The following STK32B variants were observed in gnomAD, a reference collection of about 807,000 sequenced individuals.
The protein encoded by STK32B is serine/threonine kinase 32B.
A neutral mutation model predicts 52.6 loss-of-function variants in STK32B; 43 were observed. The observed-to-expected ratio is 0.82, with a 90% CI of 0.64 to 1.05. The LOEUF (loss-of-function observed/expected upper bound fraction) is 1.05. Among genes scored for constraint, STK32B ranks in the 50% least tolerant of loss-of-function variants. The probability of loss-of-function intolerance (pLI) is 0.00; values close to 1 mark genes in which losing one functional copy is unlikely to be tolerated. For synonymous variants in STK32B, 238 were observed against 204.3 expected (o/e 1.17, Z -1.41); for missense variants, 621 against 534.6 (o/e 1.16, Z -1.59).
chr4:5,172,048 G>C (rs1719420622), intron 3 of STK32B, among the ~76,000 whole-genome samples: 1 of 151,952 alleles, frequency 6.6e-6, no homozygotes, highest in Non-Finnish European at 1.5e-5. Context: ...GGATTCCTAG[G>C]TATTTTATTC....
chr4:5,312,579 T>A (rs188711610), intron 3 of STK32B, among the ~76,000 whole-genome samples: 68 of 152,190 alleles, frequency 4.5e-4, no homozygotes, highest in African/African-American at 1.5e-3. Context: ...GAGTGATGAT[T>A]TCCAATTTCA....
At chr4:5,108,517 T>C (rs898945222) in intron 1 of STK32B, among the ~76,000 whole-genome samples, 1 of 152,242 alleles carries the variant, frequency 6.6e-6, no homozygotes, top group African/African-American at 2.4e-5. Context: ...TTTTCTGTTT[T>C]CTGGAAGAGT....
At chr4:5,234,601 T>A (rs1190769823) in intron 3 of STK32B, among the ~76,000 whole-genome samples, 2 of 152,264 alleles carry the variant, frequency 1.3e-5, no homozygotes, top group African/African-American at 4.8e-5. Context: ...TTCTGTATTA[T>A]AAGTGGAAAG....
In STK32B at chr4:5,228,871, A is replaced by G. The variant is rs1724051992; in HGVS notation, c.260+60421A>G. On this transcript the variant is annotated intron_variant, in intron 3 of 11. Transcript: ENST00000282908. Reference sequence around the variant, plus strand: ...AATCCCAGCTACTCGGAAGCCTGAGACAGGAGAATTGCTTGAACCCAGGAG... The same window carrying G: ...AATCCCAGCTACTCGGAAGCCTGAGGCAGGAGAATTGCTTGAACCCAGGAG... Among the ~76,000 whole-genome samples, 4 of 152,156 alleles carry G rather than the reference A, an allele frequency of 2.6e-5. No homozygotes were observed. In the South Asian group the frequency reaches 8.3e-4, roughly 32 times the overall value.
At chr4:5,138,060 C>G (rs1208862622) in intron 1 of STK32B, among the ~76,000 whole-genome samples, 1 of 152,134 alleles carries the variant, frequency 6.6e-6, no homozygotes, top group Admixed American at 6.5e-5. Context: ...GCAGTCCAAG[C>G]TCATTGCTTT....
intron 4 of STK32B, among the ~76,000 whole-genome samples, chr4:5,351,478 G>A (rs1351186547): frequency 6.6e-6 from 1 of 151,814 alleles, no homozygotes; most frequent in Non-Finnish European, 1.5e-5. Context: ...TAAGAGGGAA[G>A]TTTATAACAA....
At chr4:5,356,635 C>T (rs76562647) in intron 4 of STK32B, among the ~76,000 whole-genome samples, 12 of 152,236 alleles carry the variant, frequency 7.9e-5, no homozygotes, top group East Asian at 3.9e-4. Context: ...TGCAACCAGG[C>T]GGTCCTTCTG....
chr4:5,383,057 C>G (rs1370938486), intron 4 of STK32B, among the ~76,000 whole-genome samples: 2 of 152,206 alleles, frequency 1.3e-5, no homozygotes, highest in Admixed American at 6.5e-5. Flanking sequence ...CACGTCGACT[C>G]TGCTTTCAAA....
intron 11 of STK32B, among the ~76,000 whole-genome samples, chr4:5,473,800 C>T (rs62299783): frequency 5.3e-5 from 8 of 152,088 alleles, no homozygotes; most frequent in East Asian, 3.9e-4. Flanking sequence ...TGACTAAGTC[C>T]GCAGCAGGGT....
chr4:5,023,011 GTGTGTGTGTA>G, the STK32B span, among the ~76,000 whole-genome samples: 7 of 152,026 alleles, frequency 4.6e-5, no homozygotes, highest in Non-Finnish European at 8.8e-5. Context: ...ATGTGTGTGT[GTGTGTGTGTA>G]TATGTGTGTG....
chr4:5,081,746 CT>C (rs1227582460), intron 1 of STK32B, among the ~76,000 whole-genome samples: 4 of 152,132 alleles, frequency 2.6e-5, no homozygotes, highest in African/African-American at 9.7e-5. Flanking sequence ...CTTTCCATCT[CT>C]TTGTTAAACT....
intron 1 of STK32B, among the ~76,000 whole-genome samples, chr4:5,119,169 G>A (rs1475291913): frequency 6.6e-6 from 1 of 152,226 alleles, no homozygotes; most frequent in East Asian, 1.9e-4. Flanking sequence ...TCTCCTGATG[G>A]CTAGCAGATC....
chr4:5,157,588 A>G (rs756313559), intron 2 of STK32B, among the ~76,000 whole-genome samples: 5 of 152,236 alleles, frequency 3.3e-5, no homozygotes, highest in Non-Finnish European at 7.3e-5. Flanking sequence ...ACAGACCAAA[A>G]GAGCACCAGA....
chr4:5,368,574 A>G (rs960826013), intron 4 of STK32B, among the ~76,000 whole-genome samples: 2 of 152,206 alleles, frequency 1.3e-5, no homozygotes, highest in African/African-American at 2.4e-5. Context: ...AGGTACAGAG[A>G]GGCACTGCAA....
chr4:5,292,989 T>C (rs1728981162), intron 3 of STK32B, among the ~76,000 whole-genome samples: 1 of 152,108 alleles, frequency 6.6e-6, no homozygotes, highest in Admixed American at 6.5e-5. Context: ...CCCCTCCCTG[T>C]GTCCATGTGT....
At chr4:5,090,374 T>C (rs1713004878) in intron 1 of STK32B, among the ~76,000 whole-genome samples, 6 of 140,294 alleles carry the variant, frequency 4.3e-5, no homozygotes. Flanking sequence ...ATCCATCTTT[T>C]TTTTTTTTTT....
intron 3 of STK32B, among the ~76,000 whole-genome samples, chr4:5,302,893 G>A (rs968256114): frequency 1.3e-5 from 2 of 151,926 alleles, no homozygotes; most frequent in African/African-American, 4.8e-5. Flanking sequence ...TTAGAATAAT[G>A]GTCTCCGTTA....
chr4:5,382,914 C>T (rs1736021189), intron 4 of STK32B, among the ~76,000 whole-genome samples: 1 of 152,142 alleles, frequency 6.6e-6, no homozygotes, highest in Non-Finnish European at 1.5e-5. Flanking sequence ...AGTTAAGGTC[C>T]CTTCCAGTGT....
chr4:5,223,265 C>A (rs1723652465), intron 3 of STK32B, among the ~76,000 whole-genome samples: 1 of 152,156 alleles, frequency 6.6e-6, no homozygotes, highest in South Asian at 2.1e-4. Flanking sequence ...TCTCAGAGTC[C>A]TGAGACTCAG....
Sources: allele counts gnomAD v4.1 joint callset (sites outside exome capture counted in the v4.1 genomes callset), GRCh38; gene constraint gnomAD v4.1.1; transcripts MANE v1.5; gene names NCBI Gene and HGNC (gene_info 2026-07-23, HGNC 2026-07-21).